AGBL1: variants seen among roughly 807,000 people sequenced by gnomAD.
AGBL1 encodes the protein AGBL carboxypeptidase 1.
Under a neutral mutation model 118.9 loss-of-function variants are expected in AGBL1, and 130 were observed. The ratio of observed to expected loss-of-function variants is 1.09; its 90% CI spans 0.95 to 1.26. The LOEUF (loss-of-function observed/expected upper bound fraction) is 1.26, where lower values mean the gene tolerates loss of function less well. Among genes scored for constraint, AGBL1 ranks in the 50% most tolerant of loss-of-function variants. The pLI is 0.00. For missense variants in AGBL1, 1,584 were observed against 1,298.1 expected (o/e 1.22, Z -3.38); for synonymous variants, 555 against 478.9 (o/e 1.16, Z -2.08).
intron 1 of AGBL1, among the ~76,000 whole-genome samples, chr15:86,134,486 T>C (rs544730488): frequency 1.3e-5 from 2 of 152,200 alleles, no homozygotes; most frequent in Admixed American, 6.5e-5. Flanking sequence ...TGCGAGGGGA[T>C]GGACTGTTTT....
intron 21 of AGBL1, among the ~76,000 whole-genome samples, chr15:86,563,450 G>A (rs8036111): frequency 0.59 from 89,999 of 151,928 alleles, 27,084 homozygotes; most frequent in East Asian, 0.89. Context: ...GTAGTTGAGC[G>A]GTTTTGAGTG....
chr15:86,676,738 G>A (rs1048449020), intron 22 of AGBL1, among the ~76,000 whole-genome samples: 1 of 151,430 alleles, frequency 6.6e-6, no homozygotes, highest in African/African-American at 2.5e-5. Flanking sequence ...GATTTGTATT[G>A]TTGTTGCGTG....
chr15:86,860,013 A>C (rs2079538760), intron 22 of AGBL1, among the ~76,000 whole-genome samples: 3 of 152,156 alleles, frequency 2.0e-5, no homozygotes, highest in African/African-American at 7.2e-5. Flanking sequence ...ATCTGATCCC[A>C]AGTTTTGCCT....
rs1374284335 is a variant in AGBL1, at chr15:86,247,671, A to G, written c.527A>G (p.Lys176Arg). 1.9e-6 allele frequency: 3 copies of G among 1,597,702 alleles called. No homozygotes were observed. The highest frequency in any genetic ancestry group is 1.7e-6 in the Non-Finnish European group (2 of 1,172,186). The change falls in exon 7 of 23, where the codon AAG (lysine) becomes AGG (arginine). Residue 176 changes from lysine to arginine, a missense_variant and splice_region_variant. Coordinates refer to ENST00000614907, the MANE Select transcript of AGBL1 (RefSeq NM_001386094.1). ...TEVLAALLKS[K>R]SNGRRAVNRG... ...ACCCTGCCTTTCCCTTTGTTTTCAG[A>G]GTCGAACGGCCGCAGAGCAGTGAAC...
At chr15:86,451,186 A>G (rs559362367) in intron 18 of AGBL1, among the ~76,000 whole-genome samples, 98 of 146,718 alleles carry the variant, frequency 6.7e-4, no homozygotes, top group South Asian at 6.4e-4. Context: ...CCACCCACTA[A>G]ATTTCAGCAT....
intron 22 of AGBL1, among the ~76,000 whole-genome samples, chr15:86,783,075 T>G (rs2078357089): frequency 6.6e-6 from 1 of 152,208 alleles, no homozygotes; most frequent in South Asian, 2.1e-4. Context: ...TCCATATCCA[T>G]GAAATTGTTT....
Position 86,911,618 on chromosome 15 carries a change from C to T in AGBL1, c.*4324C>T, listed in dbSNP as rs2080353337. 1.3e-5 allele frequency: 2 copies of T among 152,178 alleles called. No individual in the cohort carries two copies. Among genetic ancestry groups the T allele is most frequent in the African/African-American group, 4.8e-5 (2 of 41,440 alleles). The allele number at this position is 152,178 out of a possible 1,614,324, so 9.4% of individuals were successfully genotyped here. A position where few individuals can be genotyped will look rare whatever the true frequency, so the allele number is the denominator to read the frequency against. On this transcript the variant is annotated 3_prime_UTR_variant, in exon 23 of 23. Transcript: ENST00000614907. ...TTGTGAGTGTCTACACACATATGCACATGCACAGTGCAATAGGGGCATGGA... is the reference window on the plus strand; with the variant it reads ...TTGTGAGTGTCTACACACATATGCATATGCACAGTGCAATAGGGGCATGGA...
chr15:86,979,227 G>A (rs1188450597), intron 23 of AGBL1, among the ~76,000 whole-genome samples: 6 of 152,024 alleles, frequency 3.9e-5, no homozygotes, highest in South Asian at 4.1e-4. Context: ...AGAATAAGCC[G>A]CTCTTTAAGA....
At chr15:86,665,134 T>C (rs1596349470) in intron 21 of AGBL1, among the ~76,000 whole-genome samples, 1 of 152,300 alleles carries the variant, frequency 6.6e-6, no homozygotes, top group Non-Finnish European at 1.5e-5. Context: ...CCCTATGACG[T>C]TGCCAATTTG....
chr15:86,537,604 A>G (rs2083443464), intron 19 of AGBL1, among the ~76,000 whole-genome samples: 1 of 152,200 alleles, frequency 6.6e-6, no homozygotes, highest in South Asian at 2.1e-4. Context: ...CTCACTTTCA[A>G]ATACGCGAAT....
chr15:86,643,174 A>G (rs2085220928), intron 21 of AGBL1, among the ~76,000 whole-genome samples: 1 of 152,226 alleles, frequency 6.6e-6, no homozygotes, highest in South Asian at 2.1e-4. Context: ...TTATAAGCTC[A>G]TATAAAAAAG....
chr15:86,690,848 C>G (rs1407225159), intron 22 of AGBL1, among the ~76,000 whole-genome samples: 1 of 152,090 alleles, frequency 6.6e-6, no homozygotes, highest in Non-Finnish European at 1.5e-5. Flanking sequence ...GGGAAGTTTT[C>G]TCAGCAATCT....
chr15:86,178,844 G>A (rs1172720029), intron 5 of AGBL1, among the ~76,000 whole-genome samples: 1 of 152,108 alleles, frequency 6.6e-6, no homozygotes, highest in Non-Finnish European at 1.5e-5. Flanking sequence ...ATTTTATTCA[G>A]CCATAGAAAG....
intron 19 of AGBL1, among the ~76,000 whole-genome samples, chr15:86,532,723 ACAGTAAC>A (rs1282942379): frequency 4.0e-5 from 6 of 151,752 alleles, no homozygotes; most frequent in Non-Finnish European, 5.9e-5. Context: ...CTACAAGTCT[ACAGTAAC>A]CAAAAGAGCA....
intron 20 of AGBL1, among the ~76,000 whole-genome samples, chr15:86,549,601 C>A (rs1420485556): frequency 6.6e-6 from 1 of 151,844 alleles, no homozygotes; most frequent in Non-Finnish European, 1.5e-5. Flanking sequence ...CCAAAAACTA[C>A]AATTTTGTGA....
intron 22 of AGBL1, among the ~76,000 whole-genome samples, chr15:86,798,750 G>T (rs968994528): frequency 1.3e-5 from 2 of 149,320 alleles, no homozygotes; most frequent in Non-Finnish European, 3.0e-5. Context: ...GATCTGCTAG[G>T]TTGAGGAGCC....
At chr15:86,337,704 C>A (rs886626512) in intron 17 of AGBL1, among the ~76,000 whole-genome samples, 1 of 151,736 alleles carries the variant, frequency 6.6e-6, no homozygotes, top group South Asian at 2.1e-4. Context: ...TGGGGCCTGT[C>A]GAGGGAGGGT....
intron 22 of AGBL1, among the ~76,000 whole-genome samples, chr15:86,788,265 A>G (rs915245752): frequency 9.2e-5 from 14 of 152,242 alleles, no homozygotes; most frequent in African/African-American, 3.4e-4. Flanking sequence ...TGAATAAAGT[A>G]AAGAATACAT....
At position 86,262,767 on chromosome 15, in the gene AGBL1, T is replaced by C. The variant is rs1161891745; in HGVS notation, c.970-11T>C. ...CTGACTGTAATCTCTTCTATGACTATTCCATTTTAGGATGATGACTTGGAA... is the reference window on the plus strand; with the variant it reads ...CTGACTGTAATCTCTTCTATGACTACTCCATTTTAGGATGATGACTTGGAA... On this transcript the variant is annotated splice_polypyrimidine_tract_variant and intron_variant, in intron 9 of 22. Transcript: ENST00000614907. 1 of 1,563,574 alleles carries C rather than the reference T, an allele frequency of 6.4e-7. No homozygotes were observed. The highest frequency in any genetic ancestry group is 1.7e-5 in the Admixed American group (1 of 57,764).
Sources: gnomAD v4.1 joint callset for allele counts (sites outside exome capture counted in the v4.1 genomes callset) on GRCh38, gnomAD v4.1.1 for gene constraint, MANE v1.5 for transcripts, NCBI Gene and HGNC (gene_info 2026-07-23, HGNC 2026-07-21) for gene names.